The following CDH22 variants were observed in gnomAD, a reference collection of about 807,000 sequenced individuals.
The protein encoded by CDH22 is cadherin-22.
A neutral mutation model predicts 58.4 loss-of-function variants in CDH22; 30 were observed. That is an observed-to-expected ratio of 0.51 (90% CI 0.38 to 0.70). The LOEUF is 0.70. CDH22 is among the 30% of genes least tolerant of loss of function. CDH22 has a pLI of 0.00. For missense variants in CDH22, 1,014 were observed against 1,233.9 expected, an observed-to-expected ratio of 0.82 and a Z score of 2.67; for synonymous variants, 513 against 558.2, an observed-to-expected ratio of 0.92 and a Z score of 1.14.
intron 7 of CDH22, chr20:46,209,971 G>T (rs1004319525): frequency 5.3e-5 from 14 of 262,440 alleles, no homozygotes; most frequent in African/African-American, 3.1e-4. Context: ...GGATGGCCCA[G>T]TCGAGAGATC....
intron 1 of CDH22, among the ~76,000 whole-genome samples, chr20:46,279,729 G>A (rs553756070): frequency 3.9e-5 from 6 of 152,308 alleles, no homozygotes; most frequent in African/African-American, 9.6e-5. Flanking sequence ...CAGCTTCATC[G>A]ACAGTGCCCT....
intron 1 of CDH22, among the ~76,000 whole-genome samples, chr20:46,305,807 GC>G (rs1164874960): frequency 6.6e-6 from 1 of 152,254 alleles, no homozygotes; most frequent in Non-Finnish European, 1.5e-5. Context: ...GAGGAGACGG[GC>G]CCTCCTGGGC....
intron 2 of CDH22, among the ~76,000 whole-genome samples, chr20:46,245,564 T>C (rs866295547): frequency 7.9e-5 from 12 of 152,214 alleles, no homozygotes; most frequent in African/African-American, 2.9e-4. Context: ...TGCACGTGAG[T>C]GTGAGCTTGC....
intron 4 of CDH22, among the ~76,000 whole-genome samples, chr20:46,225,781 G>A (rs2086166708): frequency 6.6e-6 from 1 of 152,082 alleles, no homozygotes; most frequent in Non-Finnish European, 1.5e-5. Flanking sequence ...TAGGGAGTGG[G>A]AAGCGTTTCT....
At chr20:46,185,130 TACAC>T (rs11467388) in intron 10 of CDH22, among the ~76,000 whole-genome samples, 2,075 of 148,592 alleles carry the variant, frequency 0.014, 23 homozygotes, top group African/African-American at 0.031. Context: ...CCCACACGCA[TACAC>T]ACACACACAC....
chr20:46,225,939 C>G (rs1019899610), intron 4 of CDH22, among the ~76,000 whole-genome samples: 1 of 152,082 alleles, frequency 6.6e-6, no homozygotes, highest in Non-Finnish European at 1.5e-5. Context: ...CCTTCTCCCC[C>G]AGACAAAGGA....
chr20:46,194,492 G>T (rs2085885161), intron 8 of CDH22, among the ~76,000 whole-genome samples: 1 of 152,214 alleles, frequency 6.6e-6, no homozygotes, highest in African/African-American at 2.4e-5. Flanking sequence ...TCCCCAGGTT[G>T]GGTATGGGGC....
chr20:46,237,716 G>A (rs1181639730), intron 3 of CDH22, among the ~76,000 whole-genome samples: 2 of 152,150 alleles, frequency 1.3e-5, no homozygotes, highest in African/African-American at 4.8e-5. Context: ...ACAGAGCTGG[G>A]TCTCCATAGG....
chr20:46,241,316 A>C lies in CDH22; in HGVS notation c.256-59T>G. On this transcript the variant is annotated intron_variant, in intron 2 of 11. Coordinates refer to ENST00000537909, the MANE Select transcript of CDH22 (RefSeq NM_021248.3). This position sits in a 1 kb window ranked among gnomAD's most constrained non-coding sequence, Gnocchi z 5.2. Reference sequence around the variant, plus strand: ...TGAGAAGGAAGCTCCTCTTGGCCTCACTGTCTCATGCCATTGGCTGCCTAT... The same window carrying C: ...TGAGAAGGAAGCTCCTCTTGGCCTCCCTGTCTCATGCCATTGGCTGCCTAT... 4 of 1,435,806 alleles carry C rather than the reference A, an allele frequency of 2.8e-6. No individual in the cohort carries two copies. Among genetic ancestry groups the C allele is most frequent in the Non-Finnish European group, 3.8e-6 (4 of 1,060,304 alleles). The allele number at this position is 1,435,806 out of a possible 1,614,324, so 88.9% of individuals were successfully genotyped here. A position where few individuals can be genotyped will look rare whatever the true frequency, so the allele number is the denominator to read the frequency against.
intron 10 of CDH22, among the ~76,000 whole-genome samples, chr20:46,185,091 A>AACAAACAG (rs2085815002): frequency 6.7e-6 from 1 of 149,092 alleles, no homozygotes; most frequent in African/African-American, 2.5e-5. Context: ...GTCTCAAACA[A>AACAAACAG]ACAAACAAAC....
At chr20:46,175,407 C>A (rs2085731324) in intron 11 of CDH22, among the ~76,000 whole-genome samples, 1 of 152,160 alleles carries the variant, frequency 6.6e-6, no homozygotes, top group African/African-American at 2.4e-5. Flanking sequence ...TGAAGAGATA[C>A]ACTCTCTGAG....
intron 11 of CDH22, among the ~76,000 whole-genome samples, chr20:46,177,089 G>A (rs2085745988): frequency 6.6e-6 from 1 of 152,216 alleles, no homozygotes; most frequent in Admixed American, 6.5e-5. Context: ...TGGGACCTGA[G>A]GAGGTACAGC....
intron 3 of CDH22, among the ~76,000 whole-genome samples, chr20:46,231,990 C>T (rs2086223352): frequency 6.6e-6 from 1 of 152,182 alleles, no homozygotes; most frequent in Non-Finnish European, 1.5e-5. Context: ...CCTTTCCCTT[C>T]TCTCCGTATC....
Position 46,186,914 on chromosome 20 carries a change from C to A in CDH22, c.1457G>T (p.Arg486Met). The change falls in exon 9 of 12, where the codon AGG becomes ATG. Residue 486 changes from arginine (R) to methionine (M), a missense_variant. Physicochemically the swap from Arg to Met is moderately conservative, Grantham distance 91. Transcript: ENST00000537909. ...GTCGTTCACATCCAGGATTCGGATC[C>A]TTAGGGATGCCCGGGATAGCTGTGC... ...NHAQLSRASLRIRILDVNDNP... is the reference protein window; with the variant it reads ...NHAQLSRASLMIRILDVNDNP... The A allele has an allele frequency of 6.2e-7, 1 of 1,610,024 alleles. No homozygotes were observed. Among genetic ancestry groups the A allele is most frequent in the South Asian group, 1.1e-5 (1 of 90,208 alleles).
chr20:46,259,750 A>G (rs183525542), intron 1 of CDH22, among the ~76,000 whole-genome samples: 7 of 152,324 alleles, frequency 4.6e-5, no homozygotes, highest in Admixed American at 4.6e-4. Context: ...AAGAACAAGC[A>G]TGAGCAGAGG....
At chr20:46,283,514 G>A (rs1478947160) in intron 1 of CDH22, among the ~76,000 whole-genome samples, 1 of 152,152 alleles carries the variant, frequency 6.6e-6, no homozygotes, top group Non-Finnish European at 1.5e-5. Context: ...CATTACCGTA[G>A]TTACAAGAAA....
At chr20:46,195,862 C>T (rs1040479883) in intron 8 of CDH22, among the ~76,000 whole-genome samples, 14 of 152,260 alleles carry the variant, frequency 9.2e-5, no homozygotes, top group East Asian at 3.9e-4. Context: ...GTATGACAGG[C>T]GGTGGCTCCT....
rs2086170127 is a variant in CDH22, at chr20:46,226,231, C to CCTTCTTCTTCCT, written c.670+1276_670+1277insAGGAAGAAGAAG. On this transcript the variant is annotated intron_variant, in intron 4 of 11. Transcript: ENST00000537909. ...TCTCTGAAATCTTGGTCTGGCAACA[C>CCTTCTTCTTCCT]CTTCTTCTTCTTCTTCTTCTTCTTC... 5.8e-5 allele frequency among the ~76,000 whole-genome samples: 5 copies of CCTTCTTCTTCCT among 86,600 alleles called. No homozygotes were observed. In the East Asian group the frequency reaches 9.0e-4, roughly 16 times the overall value. The allele number at this position is 86,600 out of a possible 152,430, so 56.8% of individuals were successfully genotyped here.
intron 1 of CDH22, among the ~76,000 whole-genome samples, chr20:46,280,849 C>T (rs547516646): frequency 6.6e-6 from 1 of 152,332 alleles, no homozygotes; most frequent in Admixed American, 6.5e-5. Flanking sequence ...AAGAGCTTCT[C>T]CAACTCTGAG....
Sources: gnomAD v4.1 joint callset for allele counts (sites outside exome capture counted in the v4.1 genomes callset) on GRCh38, gnomAD v4.1.1 for gene constraint, Gnocchi (gnomAD v3.1) non-coding constraint, MANE v1.5 for transcripts, NCBI Gene and HGNC (gene_info 2026-07-23, HGNC 2026-07-21) for gene names.